MAML3: variants seen among roughly 807,000 people sequenced by gnomAD.
The protein encoded by MAML3 is mastermind-like protein 3.
A neutral mutation model predicts 101.9 loss-of-function variants in MAML3; 27 were observed. The ratio of observed to expected loss-of-function variants is 0.27; its 90% CI spans 0.20 to 0.37. MAML3 has a LOEUF of 0.37. Ranked by LOEUF, MAML3 falls within the 10% of genes least tolerant of loss-of-function variation. The pLI is 1.00. For missense variants in MAML3, 1,316 were observed against 1,444.9 expected (o/e 0.91, Z 1.45); for synonymous variants, 501 against 555.9 (o/e 0.90, Z 1.39).
intron 1 of MAML3, among the ~76,000 whole-genome samples, chr4:140,130,445 AG>A (rs1452521477): frequency 6.6e-6 from 1 of 152,198 alleles, no homozygotes; most frequent in African/African-American, 2.4e-5. Context: ...AGAAATTGAG[AG>A]TCTAAAAAAT....
At chr4:140,089,730 C>T (rs764814815) in intron 1 of MAML3, among the ~76,000 whole-genome samples, 2 of 152,130 alleles carry the variant, frequency 1.3e-5, no homozygotes, top group African/African-American at 2.4e-5. Flanking sequence ...TCAGTGGTTA[C>T]TGGGGATTGG....
chr4:139,967,263 A>C (rs1734150725), intron 1 of MAML3, among the ~76,000 whole-genome samples: 1 of 152,100 alleles, frequency 6.6e-6, no homozygotes, highest in South Asian at 2.1e-4. Context: ...CGCCCCCTCA[A>C]AATTCACAGC....
At chr4:140,032,956 T>C (rs1213447687) in intron 1 of MAML3, among the ~76,000 whole-genome samples, 1 of 151,706 alleles carries the variant, frequency 6.6e-6, no homozygotes, top group African/African-American at 2.4e-5. Flanking sequence ...TCTTGTGCAC[T>C]GGGTGATTTT....
chr4:140,055,319 G>A (rs1239156358), intron 1 of MAML3, among the ~76,000 whole-genome samples: 1 of 152,128 alleles, frequency 6.6e-6, no homozygotes, highest in East Asian at 1.9e-4. Context: ...TTTTAAGCAG[G>A]CTTGGTATGT....
chr4:140,135,253 T>A (rs1415543362), intron 1 of MAML3, among the ~76,000 whole-genome samples: 1 of 152,222 alleles, frequency 6.6e-6, no homozygotes, highest in Non-Finnish European at 1.5e-5. Flanking sequence ...GAATACTCTA[T>A]CTCCTTTCTA....
intron 2 of MAML3, among the ~76,000 whole-genome samples, chr4:139,845,648 T>TGAAAA (rs1312981912): frequency 6.6e-6 from 1 of 152,212 alleles, no homozygotes; most frequent in Non-Finnish European, 1.5e-5. Flanking sequence ...TATTTTTGGA[T>TGAAAA]GTTTCCTTTA....
At chr4:140,106,075 G>A (rs949948912) in intron 1 of MAML3, among the ~76,000 whole-genome samples, 7 of 125,580 alleles carry the variant, frequency 5.6e-5, no homozygotes, top group Non-Finnish European at 1.1e-4. Flanking sequence ...ATCACTCGTC[G>A]TCTTTACTTC....
At chr4:139,764,668 T>C (rs944561894) in intron 2 of MAML3, among the ~76,000 whole-genome samples, 7 of 152,204 alleles carry the variant, frequency 4.6e-5, no homozygotes, top group African/African-American at 1.4e-4. Flanking sequence ...GCTGTTGTTA[T>C]TGGGCATTCT....
At chr4:139,740,669 G>A (rs566162422) in intron 2 of MAML3, 2 of 152,266 alleles carry the variant, frequency 1.3e-5, no homozygotes, top group East Asian at 3.9e-4. Flanking sequence ...GTTATACTGG[G>A]AGACAGGCCA....
At chr4:140,107,874 G>C (rs572373631) in intron 1 of MAML3, among the ~76,000 whole-genome samples, 1 of 151,240 alleles carries the variant, frequency 6.6e-6, no homozygotes, top group South Asian at 2.1e-4. Flanking sequence ...ACGGTGGGGT[G>C]AGCAAATACA....
At chr4:139,923,950 A>AT (rs1019401952) in intron 1 of MAML3, among the ~76,000 whole-genome samples, 3 of 152,330 alleles carry the variant, frequency 2.0e-5, no homozygotes, top group African/African-American at 7.2e-5. Flanking sequence ...GTACCTTGCT[A>AT]TATCTCCAGA....
chr4:139,775,386 C>G (rs1462431235), intron 2 of MAML3, among the ~76,000 whole-genome samples: 1 of 152,158 alleles, frequency 6.6e-6, no homozygotes, highest in Admixed American at 6.5e-5. Context: ...AGCGCACCCT[C>G]TGTGGGTTCC....
intron 1 of MAML3, among the ~76,000 whole-genome samples, chr4:139,921,855 C>T (rs182958843): frequency 1.3e-4 from 20 of 152,320 alleles, no homozygotes; most frequent in East Asian, 3.9e-4. Flanking sequence ...TGCATTGCTG[C>T]GGCTCACTGC....
chr4:139,860,275 G>T (rs1444747470), intron 2 of MAML3, among the ~76,000 whole-genome samples: 4 of 152,150 alleles, frequency 2.6e-5, no homozygotes, highest in Non-Finnish European at 5.9e-5. Context: ...GCGCCCCAAA[G>T]AACGTTCTTC....
chr4:139,734,463 A>G lies in MAML3; in HGVS notation c.2080-3796T>C, dbSNP rs570081486. Among the ~76,000 whole-genome samples the G allele has an allele frequency of 9.8e-5, 15 of 152,302 alleles. No homozygotes were observed. The East Asian group carries it at 2.9e-3, about 29-fold the overall frequency. ...TACAGTTTCTTCCCCTCAAAAATCCAACTGTGGCTACATAGATCTTCACTA... is the reference window on the plus strand; with the variant it reads ...TACAGTTTCTTCCCCTCAAAAATCCGACTGTGGCTACATAGATCTTCACTA... On this transcript the variant is annotated intron_variant, in intron 2 of 4. Transcript: ENST00000509479.
chr4:139,815,004 T>C (rs1466175414), intron 2 of MAML3, among the ~76,000 whole-genome samples: 1 of 152,210 alleles, frequency 6.6e-6, no homozygotes, highest in Non-Finnish European at 1.5e-5. Flanking sequence ...GAAAAGTCAC[T>C]CTATGTAAAA....
intron 1 of MAML3, among the ~76,000 whole-genome samples, chr4:140,146,146 T>G (rs2111060690): frequency 6.6e-6 from 1 of 152,312 alleles, no homozygotes; most frequent in South Asian, 2.1e-4. Context: ...GTGCTGGGAT[T>G]ACAGGTATGA....
At chr4:139,923,661 T>TA (rs926708679) in intron 1 of MAML3, among the ~76,000 whole-genome samples, 2 of 152,228 alleles carry the variant, frequency 1.3e-5, no homozygotes, top group Non-Finnish European at 2.9e-5. Context: ...AATAAAAATG[T>TA]AAAAACAATT....
intron 2 of MAML3, among the ~76,000 whole-genome samples, chr4:139,860,605 G>A (rs1731760550): frequency 6.6e-6 from 1 of 152,178 alleles, no homozygotes; most frequent in Non-Finnish European, 1.5e-5. Flanking sequence ...ACCCACTTAG[G>A]CAGGGACTGG....
Sources: allele counts gnomAD v4.1 joint callset (sites outside exome capture counted in the v4.1 genomes callset), GRCh38; gene constraint gnomAD v4.1.1; transcripts MANE v1.5; gene names NCBI Gene and HGNC (gene_info 2026-07-23, HGNC 2026-07-21).